The following ZFPM2 variants were observed in gnomAD, a reference collection of about 807,000 sequenced individuals.
ZFPM2 encodes zinc finger protein, FOG family member 2.
In ZFPM2, 20 loss-of-function variants were observed where a neutral mutation model predicts 98.6. That is an observed-to-expected ratio of 0.20 (90% confidence interval 0.14 to 0.29). The LOEUF is 0.29. ZFPM2 is among the 10% of genes least tolerant of loss of function. The pLI, the probability that ZFPM2 is intolerant of heterozygous loss-of-function variation, is 1.00. For synonymous variants in ZFPM2, 518 were observed against 502.7 expected, an observed-to-expected ratio of 1.03 and a Z score of -0.41; for missense variants, 1,310 against 1,388.6, an observed-to-expected ratio of 0.94 and a Z score of 0.90.
At chr8:105,389,427 T>G (rs1271375859) in intron 1 of ZFPM2, among the ~76,000 whole-genome samples, 1 of 152,126 alleles carries the variant, frequency 6.6e-6, no homozygotes, top group African/African-American at 2.4e-5. Context: ...AGCCGAGACC[T>G]TTAGTAAAGA....
intron 1 of ZFPM2, among the ~76,000 whole-genome samples, chr8:105,352,789 A>T (rs1259125023): frequency 6.6e-6 from 1 of 152,068 alleles, no homozygotes; most frequent in African/African-American, 2.4e-5. Flanking sequence ...TTGCTTACTG[A>T]AAAATGTTAA....
chr8:105,715,043 C>T (rs1329702664), intron 5 of ZFPM2, among the ~76,000 whole-genome samples: 1 of 151,998 alleles, frequency 6.6e-6, no homozygotes, highest in Non-Finnish European at 1.5e-5. Context: ...GAAAGAGCAA[C>T]CAACATTCAT....
intron 4 of ZFPM2, among the ~76,000 whole-genome samples, chr8:105,600,951 T>C (rs1361904377): frequency 6.6e-6 from 1 of 152,106 alleles, no homozygotes; most frequent in East Asian, 1.9e-4. Context: ...CATGTAGATA[T>C]AGTCTTATAT....
At chr8:105,328,722 C>T (rs1330877321) in intron 1 of ZFPM2, among the ~76,000 whole-genome samples, 1 of 151,790 alleles carries the variant, frequency 6.6e-6, no homozygotes, top group Non-Finnish European at 1.5e-5. Flanking sequence ...TTGTATTGTG[C>T]ACACTTACCA....
At chr8:105,676,753 A>C (rs1810480306) in intron 5 of ZFPM2, among the ~76,000 whole-genome samples, 1 of 152,052 alleles carries the variant, frequency 6.6e-6, no homozygotes, top group African/African-American at 2.4e-5. Context: ...ATAAAGGGAA[A>C]TTTCATGCTT....
chr8:105,504,462 G>A (rs530630469), intron 3 of ZFPM2, among the ~76,000 whole-genome samples: 3 of 152,078 alleles, frequency 2.0e-5, no homozygotes, highest in African/African-American at 4.8e-5. Flanking sequence ...AAGAGAAATC[G>A]CAGAAGTGAT....
Position 105,784,319 on chromosome 8 carries a change from T to C in ZFPM2, c.533-4399T>C, listed in dbSNP as rs957143667. 2.3e-5 allele frequency among the ~76,000 whole-genome samples: 3 copies of C among 128,432 alleles called. 1 individual carries two copies. Among genetic ancestry groups the C allele is most frequent in the African/African-American group, 1.5e-4 (3 of 19,936 alleles). 84.3% of individuals were successfully genotyped at this position (128,432 alleles called of 152,430 possible). On this transcript the variant is annotated intron_variant, in intron 5 of 7. Transcript: ENST00000407775. ...TAGATTGCTAGAAACTATGTCTGTT[T>C]TTAACTGGTCCACAATAGTTGGTGA...
chr8:105,700,701 T>C (rs1316897877), intron 5 of ZFPM2, among the ~76,000 whole-genome samples: 1 of 152,176 alleles, frequency 6.6e-6, no homozygotes, highest in East Asian at 1.9e-4. Context: ...GTTCATGTGA[T>C]TCTCCTGCCT....
chr8:105,433,736 G>A (rs1451289984), intron 2 of ZFPM2, among the ~76,000 whole-genome samples: 4 of 152,088 alleles, frequency 2.6e-5, no homozygotes, highest in African/African-American at 9.7e-5. Flanking sequence ...GCAGTGAGCC[G>A]AGATCACGCC....
At chr8:105,385,538 T>G (rs1348382702) in intron 1 of ZFPM2, among the ~76,000 whole-genome samples, 1 of 152,230 alleles carries the variant, frequency 6.6e-6, no homozygotes, top group Non-Finnish European at 1.5e-5. Flanking sequence ...CAACTTTCCC[T>G]TTGCTTTGCT....
chr8:105,763,251 C>T (rs1025630739), intron 5 of ZFPM2, among the ~76,000 whole-genome samples: 8 of 151,690 alleles, frequency 5.3e-5, no homozygotes, highest in Admixed American at 4.0e-4. Flanking sequence ...AGAATATTAG[C>T]AAGTGCATAT....
intron 1 of ZFPM2, among the ~76,000 whole-genome samples, chr8:105,395,401 C>T (rs1199427569): frequency 6.6e-6 from 1 of 152,104 alleles, no homozygotes; most frequent in Non-Finnish European, 1.5e-5. Flanking sequence ...ATTCTTAGTG[C>T]ATTAGAACAC....
At chr8:105,559,298 C>T (rs1243945940) in intron 3 of ZFPM2, among the ~76,000 whole-genome samples, 3 of 152,108 alleles carry the variant, frequency 2.0e-5, no homozygotes, top group Non-Finnish European at 2.9e-5. Flanking sequence ...ATTTACTATA[C>T]GTATTCTATT....
At chr8:105,724,278 T>G (rs1811752614) in intron 5 of ZFPM2, among the ~76,000 whole-genome samples, 1 of 151,866 alleles carries the variant, frequency 6.6e-6, no homozygotes. Flanking sequence ...TTTTTTACAA[T>G]GCGCAGATTC....
Position 105,802,902 on chromosome 8 carries a change from A to G in ZFPM2, c.2820A>G (p.Gln940=), listed in dbSNP as rs1814081356. 1.9e-6 allele frequency: 3 copies of G among 1,613,760 alleles called. No individual in the cohort carries two copies. Among genetic ancestry groups the G allele is most frequent in the Non-Finnish European group, 2.5e-6 (3 of 1,179,824 alleles). The change falls in exon 8 of 8, where the codon CAA becomes CAG. Residue 940 remains glutamine (Q), a synonymous_variant. Transcript: ENST00000407775. ...NLFSSHLATL[Q]GLKVFSEAAQ... ...TTTCATCCCACCTAGCAACCCTGCA[A>G]GGCTTGAAGGTCTTTAGTGAAGCTG...
At chr8:105,595,972 A>C (rs2130774384) in intron 4 of ZFPM2, among the ~76,000 whole-genome samples, 1 of 151,332 alleles carries the variant, frequency 6.6e-6, no homozygotes, top group South Asian at 2.1e-4. Context: ...CTGAGAGTAT[A>C]GCAAAATTAT....
intron 5 of ZFPM2, among the ~76,000 whole-genome samples, chr8:105,724,403 CCAG>C (rs1811756772): frequency 6.6e-6 from 1 of 151,800 alleles, no homozygotes. Flanking sequence ...GGGAGCACTT[CCAG>C]TATCACTAGT....
At chr8:105,469,286 A>C (rs1812852510) in intron 3 of ZFPM2, among the ~76,000 whole-genome samples, 1 of 152,184 alleles carries the variant, frequency 6.6e-6, no homozygotes, top group East Asian at 1.9e-4. Flanking sequence ...GCTGCTTGTG[A>C]TTAAAAGAAG....
chr8:105,341,455 A>C (rs867089537), intron 1 of ZFPM2, among the ~76,000 whole-genome samples: 1 of 151,904 alleles, frequency 6.6e-6, no homozygotes, highest in Non-Finnish European at 1.5e-5. Context: ...ATAACATTAA[A>C]AATATATACT....
Sources: gnomAD v4.1 joint callset for allele counts (sites outside exome capture counted in the v4.1 genomes callset) on GRCh38, gnomAD v4.1.1 for gene constraint, MANE v1.5 for transcripts, NCBI Gene and HGNC (gene_info 2026-07-23, HGNC 2026-07-21) for gene names.